Variants in PPP2R5E observed in about 807,000 individuals in gnomAD.
PPP2R5E encodes protein phosphatase 2 regulatory subunit B'epsilon, also known as serine/threonine-protein phosphatase 2A 56 kDa regulatory subunit epsilon isoform.
A neutral mutation model predicts 65.3 loss-of-function variants in PPP2R5E; 4 were observed. The observed-to-expected ratio is 0.06, with a 90% CI of 0.03 to 0.14. The LOEUF is 0.14. Ranked by LOEUF, PPP2R5E falls within the 10% of genes least tolerant of loss-of-function variation. PPP2R5E has a pLI of 1.00. For synonymous variants in PPP2R5E, 183 were observed against 187.4 expected (o/e 0.98, Z 0.19); for missense variants, 274 against 556.1 (o/e 0.49, Z 5.10).
At chr14:63,395,089 T>C in intron 7 of PPP2R5E, 137 bp downstream of exon 7, 2 of 659,416 alleles carry the variant, frequency 3.0e-6, no homozygotes, top group South Asian at 2.1e-5. Flanking sequence ...AGCTGGAAAA[T>C]ATGCTAATAG....
chr14:63,434,733 C>A (rs1887869745), intron 3 of PPP2R5E, among the ~76,000 whole-genome samples: 1 of 152,212 alleles, frequency 6.6e-6, no homozygotes, highest in South Asian at 2.1e-4. Context: ...GAATTCTCCT[C>A]CCACCTCCCC....
At position 63,463,490 on chromosome 14, in the gene PPP2R5E, C is replaced by A. The variant is rs370176669; in HGVS notation, c.158-9605G>T. On this transcript the variant is annotated intron_variant, in intron 2 of 13. Transcript: ENST00000337537. The stretch of plus-strand genomic sequence containing the variant: ...AAAAGAGCCAGCTTATCTGAAAGAA[C>A]CTAACCAAAAAAAAATGCATTAGTT... Among the ~76,000 whole-genome samples the A allele has an allele frequency of 3.3e-4, 50 of 151,460 alleles. 2 individuals are homozygous for A. In the East Asian group the frequency reaches 6.3e-3, roughly 19 times the overall value.
At chr14:63,392,102 T>C in intron 8 of PPP2R5E, 77 bp from the exon 9 acceptor site, 1 of 1,112,168 alleles carries the variant, frequency 9.0e-7, no homozygotes, top group Non-Finnish European at 1.3e-6. Context: ...TATTAAAACT[T>C]CCTAAAAGGT....
At chr14:63,410,323 AAC>A (rs1886326214) in intron 5 of PPP2R5E, among the ~76,000 whole-genome samples, 1 of 152,180 alleles carries the variant, frequency 6.6e-6, no homozygotes, top group Admixed American at 6.5e-5. Context: ...TCATAAGAGA[AAC>A]ACACTAGGAA....
chr14:63,431,923 TAGC>T (rs1216763888), intron 3 of PPP2R5E, among the ~76,000 whole-genome samples: 2 of 152,192 alleles, frequency 1.3e-5, no homozygotes, highest in Non-Finnish European at 2.9e-5. Flanking sequence ...AAATCTGTAT[TAGC>T]AGGGCTTTCT....
intron 10 of PPP2R5E, among the ~76,000 whole-genome samples, chr14:63,390,295 GACACACACACACAC>G (rs59239063): frequency 0.036 from 5,046 of 140,164 alleles, 185 homozygotes; most frequent in East Asian, 0.12. Flanking sequence ...ACGCATTCTC[GACACACACACACAC>G]ACACACACAC....
intron 2 of PPP2R5E, among the ~76,000 whole-genome samples, chr14:63,522,214 G>C (rs1327988225): frequency 6.6e-6 from 1 of 152,148 alleles, no homozygotes; most frequent in Non-Finnish European, 1.5e-5. Flanking sequence ...CCGAGGTGCC[G>C]GGATTGCAGA....
At position 63,521,204 on chromosome 14, in the gene PPP2R5E, T is replaced by C. The variant is rs1447316071; in HGVS notation, c.157+18325A>G. Among the ~76,000 whole-genome samples, 4 of 152,316 alleles carry C rather than the reference T, an allele frequency of 2.6e-5. No homozygotes were observed. The East Asian group carries it at 7.7e-4, about 29-fold the overall frequency. On this transcript the variant is annotated intron_variant, in intron 2 of 13. Coordinates refer to ENST00000337537, the MANE Select transcript of PPP2R5E (RefSeq NM_006246.5). Reference sequence around the variant, plus strand: ...CCAGTACAGTTAAAATAAATCCCAGTTACTTGAACTGCCTTTTAAAATGTT... The same window carrying C: ...CCAGTACAGTTAAAATAAATCCCAGCTACTTGAACTGCCTTTTAAAATGTT...
chr14:63,391,643 G>A (rs555936040), intron 10 of PPP2R5E, among the ~76,000 whole-genome samples, 174 bp downstream of exon 10: 4 of 152,154 alleles, frequency 2.6e-5, no homozygotes, highest in East Asian at 1.9e-4. Flanking sequence ...GGCTGGTCTC[G>A]AACTCCCGAC....
intron 2 of PPP2R5E, among the ~76,000 whole-genome samples, chr14:63,515,810 T>G (rs540054530): frequency 6.7e-6 from 1 of 150,028 alleles, no homozygotes; most frequent in Non-Finnish European, 1.5e-5. Flanking sequence ...TGAGCCACTG[T>G]ACCCAGTCAT....
chr14:63,412,854 T>G (rs1886472142), intron 5 of PPP2R5E, among the ~76,000 whole-genome samples: 1 of 152,196 alleles, frequency 6.6e-6, no homozygotes, highest in Non-Finnish European at 1.5e-5. Flanking sequence ...TATGAGCATT[T>G]GAATTGCAAC....
intron 2 of PPP2R5E, among the ~76,000 whole-genome samples, chr14:63,532,695 A>C (rs1001167219): frequency 1.3e-5 from 2 of 152,228 alleles, no homozygotes; most frequent in Non-Finnish European, 2.9e-5. Flanking sequence ...AGGAAAACCA[A>C]AGCTTTCAGC....
intron 3 of PPP2R5E, among the ~76,000 whole-genome samples, chr14:63,426,001 A>G (rs1385014438): frequency 2.6e-5 from 4 of 152,206 alleles, no homozygotes; most frequent in Non-Finnish European, 5.9e-5. Flanking sequence ...TCTTCCTGTC[A>G]TGCTTTATTT....
chr14:63,442,739 T>C (rs891993375), intron 3 of PPP2R5E, among the ~76,000 whole-genome samples: 4 of 152,210 alleles, frequency 2.6e-5, no homozygotes, highest in African/African-American at 7.2e-5. Flanking sequence ...GGGGAAAACA[T>C]AGGATATACG....
chr14:63,534,657 G>A (rs567325654), intron 2 of PPP2R5E, among the ~76,000 whole-genome samples: 1 of 152,228 alleles, frequency 6.6e-6, no homozygotes, highest in African/African-American at 2.4e-5. Context: ...GTCTCACTCT[G>A]TCAGCCACAC....
At chr14:63,512,870 A>T (rs1290659803) in intron 2 of PPP2R5E, among the ~76,000 whole-genome samples, 2 of 152,196 alleles carry the variant, frequency 1.3e-5, no homozygotes, top group African/African-American at 2.4e-5. Flanking sequence ...GTAAAAACCT[A>T]ACATTAGTAT....
chr14:63,377,958 C>T (rs1884086422), intron 13 of PPP2R5E, among the ~76,000 whole-genome samples: 1 of 152,184 alleles, frequency 6.6e-6, no homozygotes, highest in Non-Finnish European at 1.5e-5. Context: ...CCTCAATCAC[C>T]TGGGCTCAAG....
rs560899105 is a variant in PPP2R5E at position 63,446,319 on chromosome 14, G to A, written c.354+7370C>T. Among the ~76,000 whole-genome samples, 19 of 152,172 alleles carry A rather than the reference G, an allele frequency of 1.2e-4. 1 individual carries two copies. The highest frequency in any genetic ancestry group is 7.7e-4 in the East Asian group (4 of 5,184). On this transcript the variant is annotated intron_variant, in intron 3 of 13. Transcript: ENST00000337537. The stretch of plus-strand genomic sequence containing the variant: ...AAACTCCTGTTAATGCTGATATTTC[G>A]ACTTCCTCCTGTGAATCACAAATGT...
intron 2 of PPP2R5E, among the ~76,000 whole-genome samples, chr14:63,516,083 T>C (rs1251888364): frequency 6.6e-6 from 1 of 152,036 alleles, no homozygotes; most frequent in Non-Finnish European, 1.5e-5. Context: ...TCTCCTGACC[T>C]TGTGATCCGC....
Sources: gnomAD v4.1 joint callset for allele counts (sites outside exome capture counted in the v4.1 genomes callset) on GRCh38, gnomAD v4.1.1 for gene constraint, MANE v1.5 for transcripts, NCBI Gene and HGNC (gene_info 2026-07-23, HGNC 2026-07-21) for gene names.